CCDC192: variants seen among roughly 807,000 people sequenced by gnomAD.
The protein encoded by CCDC192 is coiled-coil domain containing 192.
At chr5:127,799,831 C>T (rs1580679070) in intron 5 of CCDC192, among the ~76,000 whole-genome samples, 1 of 152,092 alleles carries the variant, frequency 6.6e-6, no homozygotes, top group Middle Eastern at 3.4e-3. Context: ...TGTAATTGTC[C>T]AACATTCAGG....
intron 2 of CCDC192, among the ~76,000 whole-genome samples, chr5:127,723,547 T>A (rs189749699): frequency 6.6e-6 from 1 of 152,352 alleles, no homozygotes; most frequent in Non-Finnish European, 1.5e-5. Context: ...AGTCTGACTT[T>A]GAAAGCACAG....
intron 5 of CCDC192, among the ~76,000 whole-genome samples, chr5:127,802,411 C>A (rs1031596140): frequency 1.3e-5 from 2 of 152,156 alleles, no homozygotes; most frequent in African/African-American, 4.8e-5. Context: ...GGACCTGACC[C>A]CCTTTCCTGC....
rs571106621 is a variant in CCDC192, at chr5:127,795,564, A to G, written c.223-1539A>G. On this transcript the variant is annotated intron_variant, in intron 3 of 6. Coordinates refer to ENST00000514853, the MANE Select transcript of CCDC192 (RefSeq NM_001317938.2). ...GTCAAGTAACTTGCTGAGATCACAC[A>G]GATAGTAAACAGCAAAATTGAGATT... Among the ~76,000 whole-genome samples the G allele has an allele frequency of 7.7e-4, 117 of 152,216 alleles. 2 individuals are homozygous for G. Among genetic ancestry groups the G allele is most frequent in the African/African-American group, 2.1e-3 (89 of 41,534 alleles).
chr5:127,904,330 T>C (rs1753139145), intron 6 of CCDC192, among the ~76,000 whole-genome samples: 1 of 152,110 alleles, frequency 6.6e-6, no homozygotes, highest in Non-Finnish European at 1.5e-5. Flanking sequence ...AATGAATGTG[T>C]GTTGTTTAAG....
At chr5:127,900,088 G>C (rs947798260) in intron 6 of CCDC192, among the ~76,000 whole-genome samples, 14 of 152,168 alleles carry the variant, frequency 9.2e-5, no homozygotes, top group African/African-American at 3.1e-4. Flanking sequence ...AAAGAGTGTA[G>C]AGCGGAAAGA....
chr5:127,858,477 G>A lies in CCDC192; in HGVS notation c.412-17061G>A, dbSNP rs553222652. On this transcript the variant is annotated intron_variant, in intron 5 of 6. Transcript: ENST00000514853. ...AATGAGGTCACTTTTCTTATCATAA[G>A]CTCTCAGAATGCCATGTGTCATTCC... 1.5e-4 allele frequency among the ~76,000 whole-genome samples: 23 copies of A among 152,226 alleles called. No individual in the cohort carries two copies. The East Asian group carries it at 4.2e-3, about 28-fold the overall frequency.
At chr5:127,930,328 G>C (rs1753989620) in intron 6 of CCDC192, among the ~76,000 whole-genome samples, 1 of 152,176 alleles carries the variant, frequency 6.6e-6, no homozygotes, top group Non-Finnish European at 1.5e-5. Context: ...TTCATTTTCA[G>C]ATAAGCATAG....
At chr5:127,786,161 C>G (rs1057077010) in intron 3 of CCDC192, 2 of 1,075,552 alleles carry the variant, frequency 1.9e-6, no homozygotes. Flanking sequence ...AAGTGTTTTT[C>G]AATGAGGACT....
At chr5:127,718,602 G>A (rs1295763691) in intron 2 of CCDC192, among the ~76,000 whole-genome samples, 1 of 152,160 alleles carries the variant, frequency 6.6e-6, no homozygotes, top group Non-Finnish European at 1.5e-5. Flanking sequence ...TACATCCTTA[G>A]AGTTTAAGGG....
chr5:127,909,010 T>G (rs975787397), intron 6 of CCDC192, among the ~76,000 whole-genome samples: 1 of 152,196 alleles, frequency 6.6e-6, no homozygotes, highest in African/African-American at 2.4e-5. Flanking sequence ...TATCAAGAAC[T>G]CAAGCTTGGA....
At chr5:127,853,091 A>C (rs558809673) in intron 5 of CCDC192, among the ~76,000 whole-genome samples, 1 of 151,758 alleles carries the variant, frequency 6.6e-6, no homozygotes, top group Admixed American at 6.6e-5. Context: ...CTGTCTCAGA[A>C]AAAAAAAATT....
At chr5:127,930,463 G>A (rs1753997405) in intron 6 of CCDC192, among the ~76,000 whole-genome samples, 1 of 152,168 alleles carries the variant, frequency 6.6e-6, no homozygotes, top group African/African-American at 2.4e-5. Flanking sequence ...TGGCCAGGCT[G>A]CTGGTCACTG....
At chr5:127,807,617 G>A (rs1159090371) in intron 5 of CCDC192, among the ~76,000 whole-genome samples, 3 of 152,056 alleles carry the variant, frequency 2.0e-5, no homozygotes, top group African/African-American at 7.2e-5. Flanking sequence ...ATAAATGAAT[G>A]TGGGTAGTTC....
intron 2 of CCDC192, among the ~76,000 whole-genome samples, chr5:127,751,025 G>A (rs1359501363): frequency 6.8e-6 from 1 of 146,732 alleles, no homozygotes; most frequent in Non-Finnish European, 1.5e-5. Context: ...CGTGAGATGG[G>A]TTTCCTGAAT....
chr5:127,918,997 ATGTGTGTATGTATATATG>A (rs575997525), intron 6 of CCDC192, among the ~76,000 whole-genome samples: 2,463 of 150,040 alleles, frequency 0.016, 33 homozygotes, highest in Non-Finnish European at 0.026. Context: ...ATGTTTGTAT[ATGTGTGTATGTATATATG>A]TGTGTGTATG....
At chr5:127,847,821 T>TTAAA (rs67683440) in intron 5 of CCDC192, among the ~76,000 whole-genome samples, 50,411 of 142,642 alleles carry the variant, frequency 0.35, 9,139 homozygotes, top group Middle Eastern at 0.46. Flanking sequence ...AGACTCCATC[T>TTAAA]TAAATAAATA....
At chr5:127,757,791 C>T (rs899996114) in intron 3 of CCDC192, among the ~76,000 whole-genome samples, 3 of 98,288 alleles carry the variant, frequency 3.1e-5, no homozygotes, top group Non-Finnish European at 6.6e-5. Context: ...CACACACACA[C>T]ACACACACTC....
intron 5 of CCDC192, among the ~76,000 whole-genome samples, chr5:127,833,844 T>C (rs1456731688): frequency 6.6e-6 from 1 of 152,154 alleles, no homozygotes; most frequent in Non-Finnish European, 1.5e-5. Context: ...GACAGAGAAC[T>C]TGAAAATTTC....
At chr5:127,822,900 G>T (rs1424265526) in intron 5 of CCDC192, among the ~76,000 whole-genome samples, 1 of 152,208 alleles carries the variant, frequency 6.6e-6, no homozygotes, top group Non-Finnish European at 1.5e-5. Context: ...TTCAGGGTTA[G>T]ACCATGTCTG....
Sources: gnomAD v4.1 joint callset for allele counts (sites outside exome capture counted in the v4.1 genomes callset) on GRCh38, gnomAD v4.1.1 for gene constraint, MANE v1.5 for transcripts, NCBI Gene and HGNC (gene_info 2026-07-23, HGNC 2026-07-21) for gene names.